The following CSMD1 variants were observed in gnomAD, a reference collection of about 807,000 sequenced individuals.
CSMD1 encodes the protein CUB and Sushi multiple domains 1.
Under a neutral mutation model 417.5 loss-of-function variants are expected in CSMD1, and 213 were observed. That is an observed-to-expected ratio of 0.51 (90% confidence interval 0.46 to 0.57). CSMD1 has a LOEUF of 0.57. Ranked by LOEUF, CSMD1 falls within the 20% of genes least tolerant of loss-of-function variation. The pLI is 0.00. For synonymous variants in CSMD1, 2,862 were observed against 1,736.8 expected, an observed-to-expected ratio of 1.65 and a Z score of -16.11; for missense variants, 6,923 against 4,529.7, an observed-to-expected ratio of 1.53 and a Z score of -15.17.
At chr8:3,764,874 G>C (rs998457839) in intron 5 of CSMD1, among the ~76,000 whole-genome samples, 1 of 151,432 alleles carries the variant, frequency 6.6e-6, no homozygotes, top group Non-Finnish European at 1.5e-5. Flanking sequence ...AGCCTCCCAA[G>C]TAGTTGGGAT....
chr8:4,761,313 G>A (rs1328517669), intron 1 of CSMD1, among the ~76,000 whole-genome samples: 1 of 151,400 alleles, frequency 6.6e-6, no homozygotes, highest in Non-Finnish European at 1.5e-5. Flanking sequence ...AACAACTAAT[G>A]GAAACAAAAT....
chr8:4,416,857 T>A (rs62480996), intron 3 of CSMD1, among the ~76,000 whole-genome samples: 3,978 of 152,136 alleles, frequency 0.026, 68 homozygotes, highest in Middle Eastern at 0.037. Flanking sequence ...AGAAGAAACA[T>A]TACACAAATA....
intron 3 of CSMD1, among the ~76,000 whole-genome samples, chr8:4,094,715 G>A (rs968986045): frequency 6.6e-6 from 1 of 152,156 alleles, no homozygotes; most frequent in Admixed American, 6.5e-5. Flanking sequence ...GAGAGACAGG[G>A]CAGTGGGGAG....
At chr8:4,509,163 TATTA>T (rs1266121257) in intron 2 of CSMD1, among the ~76,000 whole-genome samples, 1 of 152,194 alleles carries the variant, frequency 6.6e-6, no homozygotes, top group African/African-American at 2.4e-5. Context: ...AGAATTGAAG[TATTA>T]ATTCTTTCTT....
intron 3 of CSMD1, 24 bp downstream of exon 3, chr8:4,419,929 T>C (rs977337690): frequency 1.2e-5 from 18 of 1,441,904 alleles, no homozygotes; most frequent in Non-Finnish European, 1.6e-5. Context: ...TGAATGCATG[T>C]GCAAAACACA....
intron 3 of CSMD1, among the ~76,000 whole-genome samples, chr8:4,143,677 T>TGGA (rs1803935579): frequency 6.6e-6 from 1 of 150,872 alleles, no homozygotes; most frequent in Non-Finnish European, 1.5e-5. Context: ...TTCTTGGCAT[T>TGGA]TAGAATAATT....
At chr8:3,414,119 A>G (rs1812978717) in intron 12 of CSMD1, among the ~76,000 whole-genome samples, 1 of 147,774 alleles carries the variant, frequency 6.8e-6, no homozygotes, top group African/African-American at 2.5e-5. Context: ...AGCCTGTGTG[A>G]CAGAGCGAGA....
intron 3 of CSMD1, among the ~76,000 whole-genome samples, chr8:4,264,826 A>C (rs1298053481): frequency 6.6e-6 from 1 of 152,182 alleles, no homozygotes; most frequent in African/African-American, 2.4e-5. Context: ...CTCATCAATA[A>C]ACTAAGGATA....
intron 5 of CSMD1, among the ~76,000 whole-genome samples, chr8:3,993,870 T>A (rs1394502395): frequency 1.3e-5 from 2 of 152,166 alleles, no homozygotes; most frequent in African/African-American, 2.4e-5. Context: ...ATTATGATAA[T>A]GGGATCGACA....
chr8:4,101,018 C>A (rs4875277), intron 3 of CSMD1, among the ~76,000 whole-genome samples: 1 of 151,990 alleles, frequency 6.6e-6, no homozygotes, highest in Admixed American at 6.6e-5. Flanking sequence ...TCCCAATCCA[C>A]GCAGCCTGTG....
chr8:4,974,907 T>C (rs553102503), intron 1 of CSMD1, among the ~76,000 whole-genome samples: 2 of 152,352 alleles, frequency 1.3e-5, no homozygotes, highest in East Asian at 3.9e-4. Flanking sequence ...TGATGGTTTA[T>C]GTTGATATAC....
chr8:4,681,239 T>A (rs936276942), intron 1 of CSMD1, among the ~76,000 whole-genome samples: 1 of 152,126 alleles, frequency 6.6e-6, no homozygotes, highest in Non-Finnish European at 1.5e-5. Context: ...AATAAGACCC[T>A]AGATATCGAT....
chr8:4,337,426 C>T (rs1261455762), intron 3 of CSMD1, among the ~76,000 whole-genome samples: 1 of 152,098 alleles, frequency 6.6e-6, no homozygotes, highest in Non-Finnish European at 1.5e-5. Flanking sequence ...TCTATCTTAG[C>T]CTTCTCTGTT....
At chr8:4,213,776 G>T (rs1465480560) in intron 3 of CSMD1, among the ~76,000 whole-genome samples, 1 of 152,194 alleles carries the variant, frequency 6.6e-6, no homozygotes, top group Non-Finnish European at 1.5e-5. Flanking sequence ...CCTGCCAGCT[G>T]TGGTGAGGGT....
chr8:4,731,141 G>A (rs1194244233), intron 1 of CSMD1, among the ~76,000 whole-genome samples: 1 of 152,142 alleles, frequency 6.6e-6, no homozygotes, highest in African/African-American at 2.4e-5. Context: ...AGATGGCTTC[G>A]AGTAGCATTT....
chr8:4,002,733 T>C lies in CSMD1; in HGVS notation c.611-4623A>G, dbSNP rs538835461. On this transcript the variant is annotated intron_variant, in intron 4 of 69. Coordinates refer to ENST00000635120, the MANE Select transcript of CSMD1 (RefSeq NM_033225.6). ...ACCCAATATGATTAAATGTACATCA[T>C]AAATGATGAGTGAAGAGACATTATT... 1.4e-4 allele frequency among the ~76,000 whole-genome samples: 21 copies of C among 152,290 alleles called. No homozygotes were observed. The East Asian group carries it at 1.9e-3, about 14-fold the overall frequency.
Position 4,717,206 on chromosome 8 carries a change from A to T in CSMD1, c.86-79648T>A, listed in dbSNP as rs147942955. ...GAAAAATTTGATGAGGAGTAACAGT[A>T]TTAACAGGTTCCAAATACATAACAT... is the stretch of plus-strand genomic sequence containing the variant. On this transcript the variant is annotated intron_variant, in intron 1 of 69. Coordinates refer to ENST00000635120, the MANE Select transcript of CSMD1 (RefSeq NM_033225.6). 6.1e-3 allele frequency among the ~76,000 whole-genome samples: 921 copies of T among 151,700 alleles called. 4 individuals carry two copies. Among genetic ancestry groups the T allele is most frequent in the Admixed American group, 9.6e-3 (146 of 15,246 alleles).
chr8:4,230,499 G>C (rs1801655637), intron 3 of CSMD1, among the ~76,000 whole-genome samples: 1 of 152,070 alleles, frequency 6.6e-6, no homozygotes, highest in Non-Finnish European at 1.5e-5. Context: ...AGATATAATG[G>C]TTACTGTCCT....
intron 1 of CSMD1, among the ~76,000 whole-genome samples, chr8:4,696,939 C>T (rs369408346): frequency 3.0e-4 from 46 of 152,210 alleles, no homozygotes; most frequent in Non-Finnish European, 3.7e-4. Flanking sequence ...TTTAGGAGGC[C>T]GAGCTGGGTA....
Sources: gnomAD v4.1 joint callset for allele counts (sites outside exome capture counted in the v4.1 genomes callset) on GRCh38, gnomAD v4.1.1 for gene constraint, MANE v1.5 for transcripts, NCBI Gene and HGNC (gene_info 2026-07-23, HGNC 2026-07-21) for gene names.